Variants in P3H2 observed in about 807,000 individuals in gnomAD.
P3H2 encodes leprecan-like 1.
Under a neutral mutation model 87.0 loss-of-function variants are expected in P3H2, and 80 were observed. The ratio of observed to expected loss-of-function variants is 0.92; its 90% confidence interval spans 0.77 to 1.11. The LOEUF (loss-of-function observed/expected upper bound fraction) is 1.11. Among genes scored for constraint, P3H2 ranks in the 50% least tolerant of loss-of-function variants. The pLI is 0.00. For missense variants in P3H2, 1,001 were observed against 923.9 expected (o/e 1.08, Z -1.08); for synonymous variants, 367 against 359.3 (o/e 1.02, Z -0.24).
intron 1 of P3H2, among the ~76,000 whole-genome samples, chr3:190,067,002 A>ATT (rs767054566): frequency 2.2e-5 from 3 of 138,896 alleles, no homozygotes; most frequent in African/African-American, 5.8e-5. Context: ...TTCTTTTTTA[A>ATT]TTTTCTTTCT....
chr3:190,095,303 C>CATACAT (rs1727534217), intron 1 of P3H2, among the ~76,000 whole-genome samples: 2 of 49,440 alleles, frequency 4.0e-5, no homozygotes, highest in Non-Finnish European at 6.8e-5. Context: ...TGTCTCAAAA[C>CATACAT]ATATATATAT....
intron 1 of P3H2, among the ~76,000 whole-genome samples, chr3:190,100,255 C>CG (rs1401186387): frequency 7.3e-6 from 1 of 136,904 alleles, no homozygotes; most frequent in Non-Finnish European, 1.6e-5. Context: ...CCGCCGCCCC[C>CG]CCCCCCAAAA....
rs79728655 is a variant in P3H2, at chr3:189,956,778, T to C, written c.*1134A>G. On this transcript the variant is annotated 3_prime_UTR_variant, in exon 15 of 15. Coordinates refer to ENST00000319332, the MANE Select transcript of P3H2 (RefSeq NM_018192.4). ...CAAATCAGACACAAGCACAAATCTG[T>C]GTGCTGGATAGCAGCAATGAGGAGG... 9.9e-3 allele frequency: 2,182 copies of C among 221,444 alleles called. 40 individuals are homozygous for C. The highest frequency in any genetic ancestry group is 0.046 in the African/African-American group (2,031 of 44,242). The allele number at this position is 221,444 out of a possible 1,614,324, so 13.7% of individuals were successfully genotyped here.
intron 1 of P3H2, among the ~76,000 whole-genome samples, chr3:190,072,162 A>T (rs62279647): frequency 0.015 from 2,276 of 152,120 alleles, 23 homozygotes; most frequent in Middle Eastern, 0.041. Context: ...CGTAACTGGG[A>T]TTACAGGCAT....
intron 1 of P3H2, among the ~76,000 whole-genome samples, chr3:190,012,676 C>T (rs528950709): frequency 6.6e-6 from 1 of 152,284 alleles, no homozygotes; most frequent in African/African-American, 2.4e-5. Flanking sequence ...TCCTCTGCTA[C>T]GTCTTCCATG....
At chr3:190,101,368 C>CAAAAAAA (rs34737545) in intron 1 of P3H2, among the ~76,000 whole-genome samples, 1 of 23,954 alleles carries the variant, frequency 4.2e-5, no homozygotes, top group African/African-American at 1.7e-4. Flanking sequence ...ATCATGAACG[C>CAAAAAAA]AAAAAAAAAA....
chr3:190,111,748 C>G (rs1038080191), intron 1 of P3H2, among the ~76,000 whole-genome samples: 1 of 152,116 alleles, frequency 6.6e-6, no homozygotes, highest in African/African-American at 2.4e-5. Context: ...TATGAGGTTT[C>G]AAAGACACAG....
chr3:189,959,858 ATATGTGTGTGTGTG>A (rs1346445531), intron 14 of P3H2, among the ~76,000 whole-genome samples: 4 of 131,184 alleles, frequency 3.0e-5, no homozygotes, highest in Admixed American at 8.0e-5. Context: ...ACTGGAGGAG[ATATGTGTGTGTGTG>A]TGTGTGTGTG....
At chr3:190,101,600 G>GA (rs1243517117) in intron 1 of P3H2, among the ~76,000 whole-genome samples, 1 of 151,868 alleles carries the variant, frequency 6.6e-6, no homozygotes, top group East Asian at 1.9e-4. Flanking sequence ...GGAAGCTATA[G>GA]AAAAACAGTC....
At chr3:189,991,990 T>C (rs1560352066) in intron 3 of P3H2, among the ~76,000 whole-genome samples, 1 of 144,050 alleles carries the variant, frequency 6.9e-6, no homozygotes, top group Non-Finnish European at 1.5e-5. Flanking sequence ...AGATAACCTC[T>C]ATCCAAGTTT....
At chr3:190,045,526 A>G (rs1012345690) in intron 1 of P3H2, among the ~76,000 whole-genome samples, 3 of 152,160 alleles carry the variant, frequency 2.0e-5, no homozygotes, top group Non-Finnish European at 4.4e-5. Flanking sequence ...AGAGAGAGAG[A>G]CATAGAGAGA....
At chr3:190,060,003 T>G (rs1014629372) in intron 1 of P3H2, among the ~76,000 whole-genome samples, 13 of 152,150 alleles carry the variant, frequency 8.5e-5, no homozygotes, top group Admixed American at 2.0e-4. Flanking sequence ...TTTGCCAACA[T>G]CAAGAATTTT....
At chr3:190,002,175 T>A (rs1044371126) in intron 1 of P3H2, among the ~76,000 whole-genome samples, 15 of 152,138 alleles carry the variant, frequency 9.9e-5, no homozygotes, top group African/African-American at 3.6e-4. Context: ...AATACATTAA[T>A]ATAACTTGTA....
intron 5 of P3H2, 52 bp from the exon 6 acceptor site, chr3:189,986,929 A>T (rs1208411750): frequency 4.2e-6 from 5 of 1,182,354 alleles, no homozygotes; most frequent in Non-Finnish European, 6.3e-6. Flanking sequence ...AGCAGGTAAG[A>T]GATATGATAA....
At chr3:189,994,703 C>A (rs1723993243) in intron 2 of P3H2, among the ~76,000 whole-genome samples, 1 of 148,398 alleles carries the variant, frequency 6.7e-6, no homozygotes, top group Admixed American at 6.7e-5. Flanking sequence ...TTTCCTTATC[C>A]TTTTCTGTGA....
Position 190,120,664 on chromosome 3 carries a change from C to T in P3H2, c.68G>A (p.Trp23Ter). 1 of 1,524,224 alleles carries T rather than the reference C, an allele frequency of 6.6e-7. No individual in the cohort carries two copies. Among genetic ancestry groups the T allele is most frequent in the Non-Finnish European group, 8.8e-7 (1 of 1,142,764 alleles). The allele number at this position is 1,524,224 out of a possible 1,614,324, so 94.4% of individuals were successfully genotyped here. A position where few individuals can be genotyped will look rare whatever the true frequency, so the allele number is the denominator to read the frequency against. ...LLPLLLPPPL[W>*]GGPPDSPRRE... ...GCGTGGGCTGTCCGGGGGGCCGCCC[C>T]ACAGTGGCGGCGGCAGTAGCAGCGG... The change falls in exon 1 of 15, where the codon TGG becomes TAG. Residue 23 changes from tryptophan (W) to a stop codon, truncating the protein, a stop_gained. Transcript: ENST00000319332. LOFTEE classifies it high-confidence loss of function.
chr3:189,970,527 A>C (rs1723147286), intron 13 of P3H2, among the ~76,000 whole-genome samples: 1 of 151,870 alleles, frequency 6.6e-6, no homozygotes, highest in Non-Finnish European at 1.5e-5. Flanking sequence ...ATTACTTGAC[A>C]AAGAATTAGA....
intron 1 of P3H2, among the ~76,000 whole-genome samples, chr3:190,072,691 C>CA (rs35423000): frequency 0.23 from 34,425 of 151,944 alleles, 4,101 homozygotes; most frequent in African/African-American, 0.3. Context: ...TACAGCTATT[C>CA]AAAAATTTTG....
At chr3:190,060,656 G>A (rs138395008) in intron 1 of P3H2, among the ~76,000 whole-genome samples, 1 of 152,000 alleles carries the variant, frequency 6.6e-6, no homozygotes, top group African/African-American at 2.4e-5. Context: ...CTACTTACTC[G>A]AATGAAGTGT....
Sources: allele counts gnomAD v4.1 joint callset (sites outside exome capture counted in the v4.1 genomes callset), GRCh38; gene constraint gnomAD v4.1.1; transcripts MANE v1.5; gene names NCBI Gene and HGNC (gene_info 2026-07-23, HGNC 2026-07-21).